Variants in GLS observed in about 807,000 individuals in gnomAD.
The protein encoded by GLS is glutaminase.
GLS carries 36 observed loss-of-function variants against 86.7 expected under a neutral mutation model. That is an observed-to-expected ratio of 0.42 (90% CI 0.32 to 0.55). The LOEUF (loss-of-function observed/expected upper bound fraction) is 0.55, where lower values mean the gene tolerates loss of function less well. Ranked by LOEUF, GLS falls within the 20% of genes least tolerant of loss-of-function variation. The pLI, the probability that GLS is intolerant of heterozygous loss-of-function variation, is 0.17. For synonymous variants in GLS, 317 were observed against 305.9 expected (o/e 1.04, Z -0.38); for missense variants, 528 against 833.4 (o/e 0.63, Z 4.51).
chr2:190,909,092 A>G lies in GLS; in HGVS notation c.980-1171A>G, dbSNP rs1689261086. Among the ~76,000 whole-genome samples the G allele has an allele frequency of 2.0e-5, 3 of 152,210 alleles. No individual in the cohort carries two copies. The South Asian group carries it at 6.2e-4, about 31-fold the overall frequency. On this transcript the variant is annotated intron_variant, in intron 6 of 17. Coordinates refer to ENST00000320717, the MANE Select transcript of GLS (RefSeq NM_014905.5). ...AATTTAAACTAATTTGGGATAGGCA[A>G]ATCTTGATTGTAATAATCAGATATA...
intron 14 of GLS, among the ~76,000 whole-genome samples, chr2:190,952,180 G>T (rs1364207286): frequency 1.3e-5 from 2 of 152,170 alleles, no homozygotes; most frequent in East Asian, 1.9e-4. Flanking sequence ...TCAGTTCTTT[G>T]TTCCACCCCC....
intron 14 of GLS, among the ~76,000 whole-genome samples, chr2:190,952,618 C>A (rs1266507486): frequency 6.6e-6 from 1 of 152,166 alleles, no homozygotes; most frequent in Non-Finnish European, 1.5e-5. Context: ...CAGTTCCAGG[C>A]TGTGGCTTTG....
At chr2:190,941,906 C>A (rs1558991140) in intron 14 of GLS, among the ~76,000 whole-genome samples, 1 of 152,008 alleles carries the variant, frequency 6.6e-6, no homozygotes, top group East Asian at 1.9e-4. Flanking sequence ...GGGGCCCATT[C>A]CTACAGTTGG....
rs116073711 is a variant in GLS at position 190,927,960 on chromosome 2, T to A, written c.1425+478T>A. ...ACTTGTAAAGTATATAGACTTTTTT[T>A]ATTTCATTCTGCTCATGTCAAGTCA... On this transcript the variant is annotated intron_variant, in intron 12 of 17. Transcript: ENST00000320717. Among the ~76,000 whole-genome samples the A allele has an allele frequency of 3.2e-3, 492 of 152,286 alleles. 4 individuals are homozygous for A. Among genetic ancestry groups the A allele is most frequent in the African/African-American group, 0.011 (465 of 41,568 alleles).
chr2:190,931,706 A>G (rs755809140), intron 14 of GLS, 69 bp downstream of exon 14: 2 of 711,088 alleles, frequency 2.8e-6, no homozygotes, highest in Non-Finnish European at 4.8e-6. Flanking sequence ...ATTTGCCTGT[A>G]TAAATAAAAT....
rs1689820932 is a variant in GLS at position 190,923,864 on chromosome 2, A to G, written c.1131-53A>G. ...TGCTATGCAAATGAAATTATGAACA[A>G]TCACACTTTTAAAGAAAGTACATAG... On this transcript the variant is annotated intron_variant, in intron 9 of 17. Coordinates refer to ENST00000320717, the MANE Select transcript of GLS (RefSeq NM_014905.5). The G allele has an allele frequency of 4.7e-6, 5 of 1,074,328 alleles. No individual in the cohort carries two copies. The Admixed American group carries it at 9.9e-5, about 21-fold the overall frequency. 66.5% of individuals were successfully genotyped at this position (1,074,328 alleles called of 1,614,324 possible). A position where few individuals can be genotyped will look rare whatever the true frequency, so the allele number is the denominator to read the frequency against.
At chr2:190,892,039 T>C (rs1445882542) in intron 1 of GLS, among the ~76,000 whole-genome samples, 1 of 152,204 alleles carries the variant, frequency 6.6e-6, no homozygotes, top group Non-Finnish European at 1.5e-5. Context: ...TTCCAAAGTC[T>C]GGATGTCATA....
chr2:190,939,758 C>G (rs1346779227), intron 14 of GLS, among the ~76,000 whole-genome samples: 1 of 151,720 alleles, frequency 6.6e-6, no homozygotes, highest in Non-Finnish European at 1.5e-5. Flanking sequence ...TAAGGCTTGA[C>G]TTTCTTCTAT....
At chr2:190,911,076 TATAAATTTTATTTATATTTAA>T (rs1485589152) in intron 7 of GLS, among the ~76,000 whole-genome samples, 2 of 150,936 alleles carry the variant, frequency 1.3e-5, no homozygotes, top group African/African-American at 2.4e-5. Flanking sequence ...AATTTCTAAT[TATAAATTTTATTTATATTTAA>T]ATAAATTTTA....
rs1689934203 is a variant in GLS at position 190,927,378 on chromosome 2, C to G, written c.1321C>G (p.Pro441Ala). Residue 441 changes from proline to alanine, a missense_variant, in exon 12 of 18, where the codon CCA (proline) becomes GCA (alanine). Transcript: ENST00000320717. ...GACACTGGCTAATGGTGGTTTCTGC[C>G]CAATTACTGGTGAAAGAGTACTGAG... is the stretch of plus-strand genomic sequence containing the variant. ...AATLANGGFC[P>A]ITGERVLSPE... The G allele has an allele frequency of 6.2e-7, 1 of 1,613,448 alleles. No individual in the cohort carries two copies. The highest frequency in any genetic ancestry group is 1.7e-5 in the Admixed American group (1 of 59,970).
chr2:190,954,579 T>G lies in GLS; in HGVS notation c.1713-5T>G. On this transcript the variant is annotated splice_polypyrimidine_tract_variant and splice_region_variant and intron_variant, in intron 15 of 17. Coordinates refer to ENST00000320717, the MANE Select transcript of GLS (RefSeq NM_014905.5). This position sits in a 1 kb window ranked among gnomAD's most constrained non-coding sequence, Gnocchi z 4.0. ...TAATAAATAGCTGTGCTTACACATT[T>G]TCAGATTTGCTTTGTCAGCTATGGA... 3 of 1,601,750 alleles carry G rather than the reference T, an allele frequency of 1.9e-6. No individual in the cohort carries two copies. Among genetic ancestry groups the G allele is most frequent in the Non-Finnish European group, 2.6e-6 (3 of 1,170,598 alleles).
Position 190,930,660 on chromosome 2 carries a change from T to A in GLS, c.1557+92T>A. 1 of 1,197,860 alleles carries A rather than the reference T, an allele frequency of 8.3e-7. No homozygotes were observed. Among genetic ancestry groups the A allele is most frequent in the Non-Finnish European group, 1.2e-6 (1 of 843,764 alleles). The allele number at this position is 1,197,860 out of a possible 1,614,324, so 74.2% of individuals were successfully genotyped here. On this transcript the variant is annotated intron_variant, in intron 13 of 17. Transcript: ENST00000320717. This position sits in a 1 kb window ranked among gnomAD's most constrained non-coding sequence, Gnocchi z 5.0. ...AACCCATTTTCCATAGTTCATTAAC[T>A]CTTGGCCCTCCGCCTATAGTGTGCC...
chr2:190,884,814 T>A (rs550225310), intron 1 of GLS, among the ~76,000 whole-genome samples: 1 of 152,278 alleles, frequency 6.6e-6, no homozygotes, highest in East Asian at 1.9e-4. Context: ...AACAATGAGG[T>A]CACTTTCCCC....
At chr2:190,959,042 G>T (rs1050924445) in intron 17 of GLS, among the ~76,000 whole-genome samples, 34 of 150,056 alleles carry the variant, frequency 2.3e-4, no homozygotes, top group South Asian at 6.3e-4. Flanking sequence ...CACTATTATT[G>T]TGTGGGAGTC....
chr2:190,881,093 G>C lies in GLS; in HGVS notation c.9G>C (p.Arg3=), dbSNP rs1429496729. ...CTGACGGACCCGGCGGCATGATGCG[G>C]CTGCGAGGCTCGGGGATGCTGCGGG... MM[R]LRGSGMLRDL... The change falls in exon 1 of 18, where the codon CGG becomes CGC. Residue 3 remains arginine, a synonymous_variant. Coordinates refer to ENST00000320717, the MANE Select transcript of GLS (RefSeq NM_014905.5). 6.4e-7 allele frequency: 1 copy of C among 1,560,848 alleles called. No homozygotes were observed. The highest frequency in any genetic ancestry group is 1.4e-5 in the African/African-American group (1 of 73,966).
chr2:190,889,412 C>T (rs1688494505), intron 1 of GLS, among the ~76,000 whole-genome samples: 1 of 152,108 alleles, frequency 6.6e-6, no homozygotes, highest in South Asian at 2.1e-4. Flanking sequence ...GAGTTCACTC[C>T]CTTAGAAGGC....
rs1207356231 is a variant in GLS at position 190,905,609 on chromosome 2, T to G, written c.979+442T>G. Among the ~76,000 whole-genome samples, 3 of 152,098 alleles carry G rather than the reference T, an allele frequency of 2.0e-5. No individual in the cohort carries two copies. Among genetic ancestry groups the G allele is most frequent in the African/African-American group, 7.2e-5 (3 of 41,446 alleles). On this transcript the variant is annotated intron_variant, in intron 6 of 17. Coordinates refer to ENST00000320717, the MANE Select transcript of GLS (RefSeq NM_014905.5). The surrounding 1 kb of genome is among the most constrained non-coding windows in gnomAD (Gnocchi z 4.6). ...GTGGCCCTGGTTGAGATAGTGAGGA[T>G]TATTATTTTTCAGTGAGTGTTTTTA...
chr2:190,881,444 C>A lies in GLS; in HGVS notation c.360C>A (p.Gly120=). The A allele has an allele frequency of 6.5e-7, 1 of 1,544,258 alleles. No individual in the cohort carries two copies. The highest frequency in any genetic ancestry group is 8.7e-7 in the Non-Finnish European group (1 of 1,144,496). Residue 120 remains glycine, a synonymous_variant, in exon 1 of 18, where the codon GGC becomes GGA. Transcript: ENST00000320717. The part of the protein sequence containing the change: ...GETDAFGNSE[G]KELVASGENK... Reference sequence around the variant, plus strand: ...CGGACGCGTTTGGCAACAGCGAGGGCAAAGAGCTGGTGGCCTCAGGTGAAA... The same window carrying A: ...CGGACGCGTTTGGCAACAGCGAGGGAAAAGAGCTGGTGGCCTCAGGTGAAA...
chr2:190,910,904 T>C (rs984114635), intron 7 of GLS, among the ~76,000 whole-genome samples: 1 of 150,760 alleles, frequency 6.6e-6, no homozygotes, highest in African/African-American at 2.4e-5. Flanking sequence ...AGTTATATTT[T>C]CTTATGCTTT....
Sources: gnomAD v4.1 joint callset for allele counts (sites outside exome capture counted in the v4.1 genomes callset) on GRCh38, gnomAD v4.1.1 for gene constraint, Gnocchi (gnomAD v3.1) non-coding constraint, MANE v1.5 for transcripts, NCBI Gene and HGNC (gene_info 2026-07-23, HGNC 2026-07-21) for gene names.